HEATR4: variants seen among roughly 807,000 people sequenced by gnomAD.
HEATR4 encodes the protein HEAT repeat-containing protein 4.
HEATR4 carries 95 observed loss-of-function variants against 108.8 expected under a neutral mutation model. The observed-to-expected ratio is 0.87, with a 90% confidence interval of 0.74 to 1.04. HEATR4 has a LOEUF of 1.04. HEATR4 is among the 50% of genes least tolerant of loss of function. HEATR4 has a pLI of 0.00. For synonymous variants in HEATR4, 443 were observed against 459.4 expected (o/e 0.96, Z 0.46); for missense variants, 1,152 against 1,253.8 (o/e 0.92, Z 1.23).
chr14:73,513,121 T>C (rs1887365415), intron 6 of HEATR4, among the ~76,000 whole-genome samples: 1 of 152,210 alleles, frequency 6.6e-6, no homozygotes, highest in Non-Finnish European at 1.5e-5. Flanking sequence ...TATTTTGTTC[T>C]TCCCTTCATA....
rs1342171526 is a variant in HEATR4, at chr14:73,556,858, T to TTA, written c.-152+1891_-152+1892dup. Among the ~76,000 whole-genome samples the TTA allele has an allele frequency of 3.5e-5, 4 of 114,138 alleles. 2 individuals are homozygous for TTA. The highest frequency in any genetic ancestry group is 7.7e-5 in the Non-Finnish European group (4 of 52,088). 74.9% of individuals were successfully genotyped at this position (114,138 alleles called of 152,430 possible). A position where few individuals can be genotyped will look rare whatever the true frequency, so the allele number is the denominator to read the frequency against. On this transcript the variant is annotated intron_variant, in intron 1 of 17. Transcript: ENST00000553558. ...GAAGGCAAGTCTCTGGGTCCTACAG[T>TTA]TAGATGCACTGGGCGCTTCGGGAAG...
the HEATR4 span, among the ~76,000 whole-genome samples, chr14:73,564,407 C>T: frequency 2.0e-4 from 31 of 151,602 alleles, no homozygotes; most frequent in African/African-American, 6.3e-4. Context: ...CCCAGGAGTT[C>T]GAGACCAGGC....
chr14:73,612,385 G>C, the HEATR4 span: 1 of 422,274 alleles, frequency 2.4e-6, no homozygotes, highest in Non-Finnish European at 4.1e-6. Flanking sequence ...TCTTTCATTT[G>C]GGACACTGGT....
intron 17 of HEATR4, among the ~76,000 whole-genome samples, chr14:73,488,759 A>T (rs562143784): frequency 3.3e-5 from 5 of 152,090 alleles, no homozygotes; most frequent in Non-Finnish European, 7.4e-5. Context: ...ACCGCGGCTC[A>T]TGCCTGTAAT....
chr14:73,527,049 C>T (rs1324449652), intron 2 of HEATR4, among the ~76,000 whole-genome samples: 1 of 152,094 alleles, frequency 6.6e-6, no homozygotes, highest in African/African-American at 2.4e-5. Context: ...ACAGGAGTAT[C>T]CAGGAGTTGG....
intron 10 of HEATR4, among the ~76,000 whole-genome samples, chr14:73,504,877 G>A (rs568037169): frequency 1.3e-5 from 2 of 152,200 alleles, no homozygotes; most frequent in East Asian, 3.9e-4. Context: ...AAAACGAAGT[G>A]TTGCCTGGAA....
intron 11 of HEATR4, among the ~76,000 whole-genome samples, chr14:73,501,742 TTTTTA>T (rs768768500): frequency 1.3e-5 from 2 of 151,168 alleles, no homozygotes; most frequent in East Asian, 1.9e-4. Flanking sequence ...ACTGGCTAAC[TTTTTA>T]TTTTATTTTA....
the HEATR4 span, among the ~76,000 whole-genome samples, chr14:73,587,007 G>A: frequency 4.6e-5 from 7 of 152,094 alleles, no homozygotes; most frequent in East Asian, 1.4e-3. Context: ...CCATACTGAA[G>A]TCCACAAGTG....
chr14:73,614,418 C>T, the HEATR4 span, among the ~76,000 whole-genome samples: 5 of 152,046 alleles, frequency 3.3e-5, no homozygotes, highest in East Asian at 1.9e-4. Context: ...TAGAGGCTTT[C>T]GCAAGGATAT....
At chr14:73,519,265 A>G (rs1226741118) in intron 4 of HEATR4, 102 bp from the exon 5 acceptor site, 5 of 1,213,986 alleles carry the variant, frequency 4.1e-6, no homozygotes, top group South Asian at 1.7e-5. Flanking sequence ...CTTTTGCCCT[A>G]ATCTAAGCCC....
At chr14:73,586,904 T>C in the HEATR4 span, among the ~76,000 whole-genome samples, 1 of 152,042 alleles carries the variant, frequency 6.6e-6, no homozygotes, top group Non-Finnish European at 1.5e-5. Context: ...GGAGTCTTGC[T>C]CTGTTGCCCA....
At chr14:73,488,952 G>A (rs776031939) in intron 17 of HEATR4, among the ~76,000 whole-genome samples, 6 of 151,946 alleles carry the variant, frequency 3.9e-5, no homozygotes, top group Non-Finnish European at 7.4e-5. Flanking sequence ...AACCTGGGAG[G>A]TGGAGGTTGC....
the HEATR4 span, chr14:73,574,987 G>A: frequency 1.9e-6 from 3 of 1,603,146 alleles, no homozygotes; most frequent in Non-Finnish European, 1.7e-6. Context: ...TTCCTGAAGG[G>A]CATCACGGCT....
chr14:73,597,591 CTTTTT>C, the HEATR4 span, among the ~76,000 whole-genome samples: 7 of 98,202 alleles, frequency 7.1e-5, no homozygotes, highest in South Asian at 3.6e-4. Context: ...TTTTTCTTTT[CTTTTT>C]TTTTTTTTTT....
chr14:73,577,659 T>C, the HEATR4 span, among the ~76,000 whole-genome samples: 2 of 151,892 alleles, frequency 1.3e-5, no homozygotes. Flanking sequence ...GAAGCCCTTT[T>C]GAGACCTTAG....
chr14:73,507,598 T>C (rs1231418694), intron 9 of HEATR4, among the ~76,000 whole-genome samples: 1 of 152,026 alleles, frequency 6.6e-6, no homozygotes, highest in Non-Finnish European at 1.5e-5. Context: ...CATGCCTGAC[T>C]AATTTTATTT....
chr14:73,619,798 C>A, the HEATR4 span: 1 of 1,610,470 alleles, frequency 6.2e-7, no homozygotes, highest in Non-Finnish European at 8.5e-7. Flanking sequence ...CTTCCATAAA[C>A]ATCTCAATGG....
At chr14:73,584,256 T>C in the HEATR4 span, among the ~76,000 whole-genome samples, 1 of 151,618 alleles carries the variant, frequency 6.6e-6, no homozygotes. Flanking sequence ...GTCAGGTCTC[T>C]TCCAAGTGAA....
chr14:73,583,506 G>A, the HEATR4 span, among the ~76,000 whole-genome samples: 1 of 150,878 alleles, frequency 6.6e-6, no homozygotes, highest in East Asian at 2.0e-4. Flanking sequence ...GGGAAGGAGA[G>A]GGCTTTTCTC....
Sources: gnomAD v4.1 joint callset for allele counts (sites outside exome capture counted in the v4.1 genomes callset) on GRCh38, gnomAD v4.1.1 for gene constraint, MANE v1.5 for transcripts, NCBI Gene and HGNC (gene_info 2026-07-23, HGNC 2026-07-21) for gene names.